The following XYLT1 variants were observed in gnomAD, a reference collection of about 807,000 sequenced individuals.
XYLT1 encodes the protein xylosyltransferase 1.
A neutral mutation model predicts 91.3 loss-of-function variants in XYLT1; 36 were observed. That is an observed-to-expected ratio of 0.39 (90% CI 0.30 to 0.52). XYLT1 has a LOEUF of 0.52. XYLT1 is among the 20% of genes least tolerant of loss of function. The pLI, the probability that XYLT1 is intolerant of heterozygous loss-of-function variation, is 0.68. For synonymous variants in XYLT1, 588 were observed against 532.0 expected (o/e 1.11, Z -1.45); for missense variants, 1,242 against 1,284.5 (o/e 0.97, Z 0.51).
At chr16:17,469,436 G>C (rs990606466) in intron 1 of XYLT1, among the ~76,000 whole-genome samples, 15 of 152,192 alleles carry the variant, frequency 9.9e-5, no homozygotes, top group Non-Finnish European at 1.6e-4. Context: ...CTCTGAAATG[G>C]GGACTCCGGC....
chr16:17,399,777 G>A (rs189225584), intron 1 of XYLT1, among the ~76,000 whole-genome samples: 352 of 149,650 alleles, frequency 2.4e-3, no homozygotes, highest in African/African-American at 8.3e-3. Flanking sequence ...TCCGGCCCTC[G>A]CCCCCAACTC....
intron 5 of XYLT1, among the ~76,000 whole-genome samples, chr16:17,164,698 G>T (rs2031637806): frequency 6.6e-6 from 1 of 152,012 alleles, no homozygotes; most frequent in Non-Finnish European, 1.5e-5. Flanking sequence ...TCATACCTTA[G>T]AATTTCTTTC....
At chr16:17,299,303 G>A (rs1396382185) in intron 2 of XYLT1, among the ~76,000 whole-genome samples, 1 of 152,110 alleles carries the variant, frequency 6.6e-6, no homozygotes, top group Non-Finnish European at 1.5e-5. Flanking sequence ...TGTGAATTGG[G>A]GGAAATAACA....
chr16:17,419,866 A>G (rs1431332946), intron 1 of XYLT1, among the ~76,000 whole-genome samples: 1 of 152,202 alleles, frequency 6.6e-6, no homozygotes, highest in Non-Finnish European at 1.5e-5. Context: ...AGGCAGGAAC[A>G]TTCCATGAGA....
In XYLT1 at chr16:17,413,722, T is replaced by C. The variant is rs535739919; in HGVS notation, c.364-55672A>G. ...CAAAGTGCTGAGATGACAGATTTTC[T>C]GTATTGTAGATGCTCTAGCATTAGG... On this transcript the variant is annotated intron_variant, in intron 1 of 11. Coordinates refer to ENST00000261381, the MANE Select transcript of XYLT1 (RefSeq NM_022166.4). Among the ~76,000 whole-genome samples the C allele has an allele frequency of 9.0e-4, 137 of 152,224 alleles. 1 individual carries two copies. Among genetic ancestry groups the C allele is most frequent in the Non-Finnish European group, 1.4e-3 (98 of 67,994 alleles).
At chr16:17,265,687 T>C (rs1246733013) in intron 2 of XYLT1, among the ~76,000 whole-genome samples, 1 of 152,182 alleles carries the variant, frequency 6.6e-6, no homozygotes, top group Non-Finnish European at 1.5e-5. Flanking sequence ...CTAAACATAA[T>C]ATGGCTCCGA....
chr16:17,462,624 G>A (rs913842958), intron 1 of XYLT1, among the ~76,000 whole-genome samples: 2 of 152,154 alleles, frequency 1.3e-5, no homozygotes, highest in South Asian at 2.1e-4. Context: ...TACAAGTGGC[G>A]GGCTCCTCAG....
intron 6 of XYLT1, among the ~76,000 whole-genome samples, chr16:17,150,209 T>C (rs1331352953): frequency 6.6e-6 from 1 of 152,228 alleles, no homozygotes; most frequent in Non-Finnish European, 1.5e-5. Flanking sequence ...TTTTGAAGTT[T>C]GGCAGTTCCT....
rs587777367 is a variant in XYLT1, at chr16:17,134,708, G to A, written c.1792C>T (p.Arg598Cys). The A allele has an allele frequency of 5.6e-6, 9 of 1,613,998 alleles. No homozygotes were observed. The highest frequency in any genetic ancestry group is 7.6e-6 in the Non-Finnish European group (9 of 1,180,016). Reference protein sequence around the residue: ...QQTARPTFFARKFEAVVNQEI... With the variant: ...QQTARPTFFACKFEAVVNQEI... ...TGATTCACCACGGCTTCAAACTTGC[G>A]GGCAAAGAAGGTAGGCCGGGCTGTC... The change falls in exon 9 of 12, where the codon CGC becomes TGC. Residue 598 changes from arginine (R) to cysteine (C), a missense_variant. Physicochemically the swap from Arg to Cys is radical, Grantham distance 180 (BLOSUM62 -3). Around this residue, in one of 3 missense-constraint regions of XYLT1, gnomAD observed 511 missense variants for 497.0 expected, o/e 1.03. Coordinates refer to ENST00000261381, the MANE Select transcript of XYLT1 (RefSeq NM_022166.4).
At position 17,382,748 on chromosome 16, in the gene XYLT1, C is replaced by A. The variant is rs555095446; in HGVS notation, c.364-24698G>T. ...AACACACATGCTCCAGATAACAGTCCCCATACTCCAGATAACGGTCCCCAT... is the reference window on the plus strand; with the variant it reads ...AACACACATGCTCCAGATAACAGTCACCATACTCCAGATAACGGTCCCCAT... On this transcript the variant is annotated intron_variant, in intron 1 of 11. Coordinates refer to ENST00000261381, the MANE Select transcript of XYLT1 (RefSeq NM_022166.4). Among the ~76,000 whole-genome samples the A allele has an allele frequency of 7.2e-5, 11 of 151,946 alleles. No individual in the cohort carries two copies. In the South Asian group the frequency reaches 1.7e-3, roughly 23 times the overall value.
intron 1 of XYLT1, among the ~76,000 whole-genome samples, chr16:17,412,497 A>C (rs1596532602): frequency 6.8e-6 from 1 of 146,832 alleles, no homozygotes; most frequent in Non-Finnish European, 1.5e-5. Context: ...GTGTAAACAG[A>C]TTAAATACCG....
At chr16:17,265,044 T>C (rs1051448214) in intron 2 of XYLT1, among the ~76,000 whole-genome samples, 1 of 152,030 alleles carries the variant, frequency 6.6e-6, no homozygotes, top group African/African-American at 2.4e-5. Flanking sequence ...AAAAATTAGC[T>C]GGGCGTGGTG....
intron 1 of XYLT1, among the ~76,000 whole-genome samples, chr16:17,395,581 A>G (rs1241609106): frequency 6.6e-6 from 1 of 152,150 alleles, no homozygotes; most frequent in African/African-American, 2.4e-5. Context: ...ATGACTCCCT[A>G]TAAATAATCA....
chr16:17,351,310 C>T (rs746519930), intron 2 of XYLT1, among the ~76,000 whole-genome samples: 3 of 151,942 alleles, frequency 2.0e-5, no homozygotes, highest in Non-Finnish European at 4.4e-5. Context: ...GTCATGAGTT[C>T]GAGAACAGCC....
At chr16:17,416,987 A>G (rs8048278) in intron 1 of XYLT1, among the ~76,000 whole-genome samples, 3,042 of 152,242 alleles carry the variant, frequency 0.02, 87 homozygotes, top group African/African-American at 0.069. Context: ...GTTTAGATCC[A>G]TTTTGGACCC....
chr16:17,245,253 G>A (rs762661652), intron 3 of XYLT1, among the ~76,000 whole-genome samples: 6 of 152,108 alleles, frequency 3.9e-5, no homozygotes, highest in Non-Finnish European at 7.3e-5. Context: ...CTTAAAAATC[G>A]TGAGGAGAAT....
At chr16:17,379,649 T>G (rs887103953) in intron 1 of XYLT1, among the ~76,000 whole-genome samples, 5 of 152,114 alleles carry the variant, frequency 3.3e-5, no homozygotes, top group Admixed American at 6.5e-5. Flanking sequence ...TCTTGGTGTC[T>G]TCTGGGCCTC....
chr16:17,220,473 CTTTTTG>C (rs887729734), intron 3 of XYLT1, among the ~76,000 whole-genome samples: 1 of 151,994 alleles, frequency 6.6e-6, no homozygotes, highest in African/African-American at 2.4e-5. Flanking sequence ...TCTGTGTTAA[CTTTTTG>C]TTTTTGTTTT....
intron 3 of XYLT1, among the ~76,000 whole-genome samples, chr16:17,213,630 T>C (rs2032802321): frequency 6.6e-6 from 1 of 152,124 alleles, no homozygotes; most frequent in South Asian, 2.1e-4. Context: ...TCTTTTCTTT[T>C]TTTTTTGAGA....
Sources: gnomAD v4.1 joint callset for allele counts (sites outside exome capture counted in the v4.1 genomes callset) on GRCh38, gnomAD v4.1.1 for gene constraint, gnomAD v4.1.1 regional missense constraint, MANE v1.5 for transcripts, NCBI Gene and HGNC (gene_info 2026-07-23, HGNC 2026-07-21) for gene names.